MAP3K5: variants seen among roughly 807,000 people sequenced by gnomAD.
MAP3K5 encodes ASK-1.
Under a neutral mutation model 158.7 loss-of-function variants are expected in MAP3K5, and 56 were observed. That is an observed-to-expected ratio of 0.35 (90% confidence interval 0.28 to 0.44). The LOEUF is 0.44. MAP3K5 is among the 20% of genes least tolerant of loss of function. The probability of loss-of-function intolerance (pLI) is 1.00; values close to 1 mark genes in which losing one functional copy is unlikely to be tolerated. For synonymous variants in MAP3K5, 579 were observed against 601.7 expected (o/e 0.96, Z 0.55); for missense variants, 1,294 against 1,674.8 (o/e 0.77, Z 3.97).
intron 1 of MAP3K5, among the ~76,000 whole-genome samples, chr6:136,781,898 C>T (rs758275700): frequency 2.4e-4 from 36 of 152,078 alleles, no homozygotes; most frequent in Non-Finnish European, 4.3e-4. Context: ...GACCATATTA[C>T]AAAACTTGAG....
intron 7 of MAP3K5, among the ~76,000 whole-genome samples, chr6:136,685,161 T>C (rs1227390443): frequency 6.7e-6 from 1 of 149,480 alleles, no homozygotes; most frequent in Non-Finnish European, 1.5e-5. Flanking sequence ...AAAAAAAAAA[T>C]ACAAAAAGTA....
At chr6:136,598,171 C>A (rs1775715204) in intron 21 of MAP3K5, among the ~76,000 whole-genome samples, 1 of 152,242 alleles carries the variant, frequency 6.6e-6, no homozygotes, top group Non-Finnish European at 1.5e-5. Context: ...TGCTGCTGAG[C>A]CAGCAAGCCT....
At chr6:136,586,470 C>T (rs192760490) in intron 23 of MAP3K5, among the ~76,000 whole-genome samples, 91 of 152,326 alleles carry the variant, frequency 6.0e-4, no homozygotes, top group Admixed American at 1.0e-3. Context: ...ACTATTTCAT[C>T]TACTTACGTC....
chr6:136,667,118 CTG>C (rs1323821882), intron 8 of MAP3K5, among the ~76,000 whole-genome samples: 3 of 152,306 alleles, frequency 2.0e-5, no homozygotes, highest in Non-Finnish European at 4.4e-5. Context: ...ATGCAAATCA[CTG>C]TCAATTCCTG....
chr6:136,764,216 C>T (rs1268012236), intron 1 of MAP3K5, among the ~76,000 whole-genome samples: 2 of 152,100 alleles, frequency 1.3e-5, no homozygotes, highest in Non-Finnish European at 2.9e-5. Flanking sequence ...ATGCATATGC[C>T]CCTTCTCCCA....
At chr6:136,735,694 G>A (rs1782427324) in intron 1 of MAP3K5, among the ~76,000 whole-genome samples, 1 of 152,104 alleles carries the variant, frequency 6.6e-6, no homozygotes, top group Non-Finnish European at 1.5e-5. Flanking sequence ...GCTGGGTGTG[G>A]TGGTGCGTGC....
At chr6:136,639,678 T>C (rs1051075032) in intron 12 of MAP3K5, 40 bp from the exon 13 acceptor site, 17 of 959,862 alleles carry the variant, frequency 1.8e-5, no homozygotes, top group East Asian at 2.5e-5. Context: ...CAGAGAACTA[T>C]CAATTCTTCT....
At chr6:136,587,577 A>T (rs976372870) in intron 23 of MAP3K5, among the ~76,000 whole-genome samples, 1 of 152,114 alleles carries the variant, frequency 6.6e-6, no homozygotes, top group Non-Finnish European at 1.5e-5. Context: ...ATTCTATTCT[A>T]CTGCCCCAAT....
intron 1 of MAP3K5, among the ~76,000 whole-genome samples, chr6:136,781,075 A>T (rs1301136122): frequency 2.0e-5 from 3 of 152,240 alleles, no homozygotes; most frequent in Admixed American, 1.3e-4. Flanking sequence ...ATTAAGGGAA[A>T]CTGCATCAGA....
At chr6:136,707,891 CCAAA>C (rs770338358) in intron 2 of MAP3K5, among the ~76,000 whole-genome samples, 127 of 152,220 alleles carry the variant, frequency 8.3e-4, no homozygotes, top group Non-Finnish European at 3.4e-4. Flanking sequence ...CAATGAAGAA[CCAAA>C]CAAACAATGA....
intron 1 of MAP3K5, among the ~76,000 whole-genome samples, chr6:136,775,811 G>A (rs1033498951): frequency 3.3e-5 from 5 of 152,164 alleles, no homozygotes; most frequent in African/African-American, 1.2e-4. Context: ...GTCACAACAC[G>A]GTGGCAACAG....
At chr6:136,663,883 T>C (rs60878187) in intron 8 of MAP3K5, among the ~76,000 whole-genome samples, 19,508 of 152,128 alleles carry the variant, frequency 0.13, 1,575 homozygotes, top group East Asian at 0.21. Context: ...AGTGCTGGGA[T>C]TACAGGCATG....
intron 1 of MAP3K5, among the ~76,000 whole-genome samples, chr6:136,776,758 C>T (rs1183554783): frequency 1.3e-5 from 2 of 152,200 alleles, no homozygotes; most frequent in Non-Finnish European, 2.9e-5. Flanking sequence ...GTAAGACTAA[C>T]ACAATGGTCC....
intron 3 of MAP3K5, 25 bp from the exon 4 acceptor site, chr6:136,698,707 AG>A: frequency 6.3e-7 from 1 of 1,586,380 alleles, no homozygotes; most frequent in Non-Finnish European, 8.6e-7. Flanking sequence ...GGCATCGGCA[AG>A]TGGGGAGCTG....
intron 10 of MAP3K5, among the ~76,000 whole-genome samples, chr6:136,655,914 G>C (rs1778724103): frequency 6.6e-6 from 1 of 152,112 alleles, no homozygotes; most frequent in Non-Finnish European, 1.5e-5. Flanking sequence ...TAACAATGCA[G>C]GTAAGCCTGA....
At chr6:136,775,412 T>C (rs532376798) in intron 1 of MAP3K5, among the ~76,000 whole-genome samples, 1 of 152,312 alleles carries the variant, frequency 6.6e-6, no homozygotes, top group South Asian at 2.1e-4. Flanking sequence ...AGGTCTCAAA[T>C]TAGGCTTTCG....
intron 8 of MAP3K5, among the ~76,000 whole-genome samples, chr6:136,664,249 G>T (rs1012606127): frequency 2.0e-5 from 3 of 151,990 alleles, no homozygotes; most frequent in African/African-American, 7.2e-5. Context: ...CTCCTTATGA[G>T]AACCTAATGC....
At position 136,622,949 on chromosome 6, in the gene MAP3K5, T is replaced by C; in HGVS notation, c.2049A>G (p.Arg683=). The C allele has an allele frequency of 6.2e-7, 1 of 1,613,904 alleles. No homozygotes were observed. The highest frequency in any genetic ancestry group is 8.5e-7 in the Non-Finnish European group (1 of 1,179,842). The change falls in exon 15 of 30, where the codon AGA becomes AGG. Residue 683 remains arginine, a synonymous_variant. Coordinates refer to ENST00000359015, the MANE Select transcript of MAP3K5 (RefSeq NM_005923.4). The part of the protein sequence containing the change: ...YDYEYDENGD[R]VVLGKGTYGI... ...CATAAGTGCCTTTTCCTAAAACGAC[T>C]CTGTCACCATTTTCATCATATTCAT...
chr6:136,603,965 G>A (rs879031565), intron 19 of MAP3K5, among the ~76,000 whole-genome samples: 1 of 152,204 alleles, frequency 6.6e-6, no homozygotes, highest in Non-Finnish European at 1.5e-5. Flanking sequence ...AAGAGGCTAT[G>A]CACAGATGGA....
Sources: gnomAD v4.1 joint callset for allele counts (sites outside exome capture counted in the v4.1 genomes callset) on GRCh38, gnomAD v4.1.1 for gene constraint, MANE v1.5 for transcripts, NCBI Gene and HGNC (gene_info 2026-07-23, HGNC 2026-07-21) for gene names.